The following C4orf50 variants were observed in gnomAD, a reference collection of about 807,000 sequenced individuals.
C4orf50 encodes chromosome 4 open reading frame 50, also known as uncharacterized protein C4orf50.
Under a neutral mutation model 77.2 loss-of-function variants are expected in C4orf50, and 80 were observed. The observed-to-expected ratio is 1.04, with a 90% CI of 0.87 to 1.25. C4orf50 has a LOEUF of 1.25. C4orf50 is among the 50% of genes most tolerant of loss of function. C4orf50 has a pLI of 0.00. For missense variants in C4orf50, 1,257 were observed against 1,152.9 expected (o/e 1.09, Z -1.31); for synonymous variants, 532 against 465.3 (o/e 1.14, Z -1.84).
chr4:5,935,865 G>A (rs1043678223), intron 7 of C4orf50, among the ~76,000 whole-genome samples: 4 of 139,604 alleles, frequency 2.9e-5, no homozygotes, highest in African/African-American at 8.1e-5. Context: ...TATGAATGAA[G>A]ACATAAGATG....
At chr4:5,906,085 C>A (rs1716539773) in intron 7 of C4orf50, among the ~76,000 whole-genome samples, 1 of 151,972 alleles carries the variant, frequency 6.6e-6, no homozygotes, top group Non-Finnish European at 1.5e-5. Context: ...AGAGGAGGAG[C>A]CTTCAGCCAG....
intron 28 of C4orf50, among the ~76,000 whole-genome samples, chr4:5,987,388 G>T (rs1263981049): frequency 3.6e-5 from 4 of 112,488 alleles, no homozygotes; most frequent in African/African-American, 1.4e-4. Context: ...TCCAGCCTGG[G>T]TGACAGAGCG....
rs376388156 is a variant in C4orf50, at chr4:5,930,366, C to T, written c.*2474+26535G>A. On this transcript the variant is annotated intron_variant, in intron 7 of 7. Transcript: ENST00000324058. ...CTCTATAGGGATTAACCCTGACTTC[C>T]GGCCCCCATCCTTGCTTGACTTCCT... Among the ~76,000 whole-genome samples the T allele has an allele frequency of 8.5e-5, 13 of 152,264 alleles. 1 individual carries two copies. The East Asian group carries it at 2.3e-3, about 27-fold the overall frequency.
Position 6,009,470 on chromosome 4 carries a change from G to C in C4orf50, c.427-938C>G, listed in dbSNP as rs188396542. On this transcript the variant is annotated intron_variant, in intron 24 of 33. Transcript: ENST00000531445. This position sits in a 1 kb window ranked among gnomAD's most constrained non-coding sequence, Gnocchi z 5.6. ...ACAAGCTTTGTTTGATAGTTTTGGG[G>C]AACGTGGGGCAGATAAAAGTCAGGG... 1.5e-3 allele frequency among the ~76,000 whole-genome samples: 233 copies of C among 152,300 alleles called. No individual in the cohort carries two copies. The highest frequency in any genetic ancestry group is 5.5e-3 in the African/African-American group (227 of 41,550).
At chr4:5,975,923 T>C in exon 30 of C4orf50, 1 of 1,614,018 alleles carries the variant, frequency 6.2e-7, no homozygotes, top group Non-Finnish European at 8.5e-7. Flanking sequence ...CTGCCAACTT[T>C]GCTTCATGTT....
chr4:5,965,803 C>A (rs1719533755), intron 32 of C4orf50, among the ~76,000 whole-genome samples: 1 of 152,166 alleles, frequency 6.6e-6, no homozygotes, highest in South Asian at 2.1e-4. Context: ...TCCAGACACT[C>A]CAGAGGAAGG....
At chr4:5,913,206 T>C (rs1197690515) in intron 7 of C4orf50, among the ~76,000 whole-genome samples, 1 of 152,232 alleles carries the variant, frequency 6.6e-6, no homozygotes, top group Non-Finnish European at 1.5e-5. Context: ...TGACAACGCC[T>C]ACCTTATGGG....
intron 28 of C4orf50, among the ~76,000 whole-genome samples, chr4:5,980,723 T>C (rs1720539749): frequency 6.6e-6 from 1 of 152,172 alleles, no homozygotes. Context: ...GAATCTGCTG[T>C]AATAGATGCC....
chr4:5,971,479 A>G (rs1719909515), intron 31 of C4orf50, among the ~76,000 whole-genome samples: 2 of 149,228 alleles, frequency 1.3e-5, no homozygotes, highest in South Asian at 4.2e-4. Flanking sequence ...GAAACACATC[A>G]CAATTTTTTT....
exon 28 of C4orf50, chr4:5,989,121 G>A (rs746207228): frequency 7.2e-6 from 11 of 1,536,014 alleles, no homozygotes; most frequent in South Asian, 4.8e-5. Flanking sequence ...TATCCCGCTC[G>A]AGCCTGGATA....
intron 32 of C4orf50, among the ~76,000 whole-genome samples, chr4:5,966,302 C>G (rs1041274909): frequency 3.9e-5 from 6 of 151,932 alleles, no homozygotes; most frequent in African/African-American, 1.5e-4. Context: ...ATGGAGAAAC[C>G]CTGTCTCTAC....
intron 7 of C4orf50, among the ~76,000 whole-genome samples, chr4:5,933,069 C>G (rs1335378637): frequency 6.6e-6 from 1 of 152,154 alleles, no homozygotes; most frequent in Non-Finnish European, 1.5e-5. Flanking sequence ...CACCAGAGCC[C>G]TGGACGGGAG....
intron 7 of C4orf50, among the ~76,000 whole-genome samples, chr4:5,936,533 G>C (rs528173732): frequency 2.3e-5 from 3 of 129,866 alleles, no homozygotes; most frequent in Non-Finnish European, 4.6e-5. Context: ...CTGCACTCCA[G>C]CCTGGGCAAC....
chr4:6,000,074 G>A lies in C4orf50; in HGVS notation c.964-5598C>T, dbSNP rs144141105. ...GCAGCCATGGTGGGGTGCTTATGGAGGGAGATCCTTTGACAGTCACCACTG... is the reference window on the plus strand; with the variant it reads ...GCAGCCATGGTGGGGTGCTTATGGAAGGAGATCCTTTGACAGTCACCACTG... On this transcript the variant is annotated intron_variant, in intron 25 of 33. Transcript: ENST00000531445. This position sits in a 1 kb window ranked among gnomAD's most constrained non-coding sequence, Gnocchi z 6.0. 2.2e-4 allele frequency among the ~76,000 whole-genome samples: 34 copies of A among 152,278 alleles called. No individual in the cohort carries two copies. Among genetic ancestry groups the A allele is most frequent in the South Asian group, 6.2e-4 (3 of 4,812 alleles).
At chr4:5,912,422 T>C (rs1716849113) in intron 7 of C4orf50, among the ~76,000 whole-genome samples, 1 of 152,152 alleles carries the variant, frequency 6.6e-6, no homozygotes, top group Admixed American at 6.5e-5. Flanking sequence ...CTGCAGCAGA[T>C]AGGCCTTTAT....
Position 6,000,126 on chromosome 4 carries a change from T to C in C4orf50, c.964-5650A>G, listed in dbSNP as rs1188836920. On this transcript the variant is annotated intron_variant, in intron 25 of 33. Transcript: ENST00000531445. The surrounding 1 kb of genome is among the most constrained non-coding windows in gnomAD (Gnocchi z 6.0). Reference sequence around the variant, plus strand: ...TGTCCAGAGCAAGGTGCTGAAGACCTGCGTGTGGCTCTCGGTCCTCCTGGG... The same window carrying C: ...TGTCCAGAGCAAGGTGCTGAAGACCCGCGTGTGGCTCTCGGTCCTCCTGGG... Among the ~76,000 whole-genome samples the C allele has an allele frequency of 6.6e-6, 1 of 152,152 alleles. No homozygotes were observed. The highest frequency in any genetic ancestry group is 1.5e-5 in the Non-Finnish European group (1 of 68,014).
At chr4:5,953,215 C>T (rs1011696410), downstream of C4orf50, among the ~76,000 whole-genome samples, 1 of 152,186 alleles carries the variant, frequency 6.6e-6, no homozygotes, top group Non-Finnish European at 1.5e-5. Context: ...AGCAAAGCCT[C>T]CCAGCTGAGC....
intron 33 of C4orf50, among the ~76,000 whole-genome samples, chr4:5,961,772 T>C (rs1719291553): frequency 6.6e-6 from 1 of 152,208 alleles, no homozygotes; most frequent in Non-Finnish European, 1.5e-5. Context: ...CACTAAAGAT[T>C]TGTCAGCCTT....
chr4:5,928,613 C>G (rs1003748897), intron 7 of C4orf50, among the ~76,000 whole-genome samples: 5 of 152,176 alleles, frequency 3.3e-5, no homozygotes, highest in African/African-American at 9.7e-5. Context: ...GGCATGAACA[C>G]CCTGCATGCT....
Sources: gnomAD v4.1 joint callset for allele counts (sites outside exome capture counted in the v4.1 genomes callset) on GRCh38, gnomAD v4.1.1 for gene constraint, Gnocchi (gnomAD v3.1) non-coding constraint, MANE v1.5 for transcripts, NCBI Gene and HGNC (gene_info 2026-07-23, HGNC 2026-07-21) for gene names.